CENPO: variants seen among roughly 807,000 people sequenced by gnomAD.
CENPO encodes centromere protein O.
A neutral mutation model predicts 36.1 loss-of-function variants in CENPO; 30 were observed. That is an observed-to-expected ratio of 0.83 (90% CI 0.62 to 1.13). The LOEUF is 1.13. CENPO is among the 50% of genes most tolerant of loss of function. The pLI is 0.00. For missense variants in CENPO, 349 were observed against 357.8 expected (o/e 0.98, Z 0.20); for synonymous variants, 171 against 142.3 (o/e 1.20, Z -1.44).
intron 7 of CENPO, among the ~76,000 whole-genome samples, chr2:24,818,808 T>C (rs765156186): frequency 5.3e-5 from 8 of 152,222 alleles, no homozygotes; most frequent in Non-Finnish European, 1.0e-4. Context: ...CTCACAGATA[T>C]GAAAACCTGT....
intron 5 of CENPO, 89 bp downstream of exon 5, chr2:24,815,845 CTG>C: frequency 1.6e-6 from 2 of 1,268,264 alleles, no homozygotes; most frequent in South Asian, 1.4e-5. Context: ...TGTTTCCTAA[CTG>C]TGAGTTAGAA....
At position 24,815,531 on chromosome 2, in the gene CENPO, T is replaced by C; in HGVS notation, c.369T>C (p.Cys123=). Residue 123 remains cysteine (C), a synonymous_variant, in exon 5 of 8, where the codon TGT becomes TGC. Coordinates refer to ENST00000380834, the MANE Select transcript of CENPO (RefSeq NM_001322101.2). ...GTAAACTGACCAGCCGAGGAGTTTG[T>C]GTCTGCATCAGTACTGCTTTTGAGG... ...LSGKLTSRGV[C]VCISTAFEGN... 6.2e-7 allele frequency: 1 copy of C among 1,614,096 alleles called. No individual in the cohort carries two copies. The highest frequency in any genetic ancestry group is 1.1e-5 in the South Asian group (1 of 91,084).
chr2:24,806,016 G>C (rs918025935), intron 3 of CENPO, among the ~76,000 whole-genome samples: 11 of 152,152 alleles, frequency 7.2e-5, no homozygotes, highest in African/African-American at 2.7e-4. Context: ...TCCAAGCCTC[G>C]GCAAGGGCGG....
rs752977885 is a variant in CENPO, at chr2:24,817,841, G to A, written c.*35G>A. The A allele has an allele frequency of 3.1e-6, 5 of 1,613,338 alleles. No homozygotes were observed. In the African/African-American group the frequency reaches 6.7e-5, roughly 22 times the overall value. Reference sequence around the variant, plus strand: ...TTCACTGCACTGGGAGCACATCAGAGGTAAGTAACCAGTACTGAAGACAGT... The same window carrying A: ...TTCACTGCACTGGGAGCACATCAGAAGTAAGTAACCAGTACTGAAGACAGT... On this transcript the variant is annotated splice_region_variant and 3_prime_UTR_variant, in exon 7 of 8. Coordinates refer to ENST00000380834, the MANE Select transcript of CENPO (RefSeq NM_001322101.2).
intron 3 of CENPO, among the ~76,000 whole-genome samples, chr2:24,802,947 C>T (rs566551853): frequency 3.9e-5 from 6 of 152,280 alleles, no homozygotes; most frequent in Admixed American, 3.3e-4. Flanking sequence ...GGCTGTGAAT[C>T]TATCTGGTCT....
At position 24,815,613 on chromosome 2, in the gene CENPO, C is replaced by A; in HGVS notation, c.451C>A (p.His151Asn). The A allele has an allele frequency of 6.2e-7, 1 of 1,614,160 alleles. No homozygotes were observed. Among genetic ancestry groups the A allele is most frequent in the African/African-American group, 1.3e-5 (1 of 75,048 alleles). Reference protein sequence around the residue: ...DLVIQKPLRIHHHSVPVFIPL... With the variant: ...DLVIQKPLRINHHSVPVFIPL... The stretch of plus-strand genomic sequence containing the variant: ...TGTCATACAGAAACCACTCCGGATA[C>A]ATCACCATTCAGTCCCAGTCTTCAT... Residue 151 changes from histidine (H) to asparagine (N), a missense_variant, in exon 5 of 8, where the codon CAT becomes AAT. His to Asn is a moderately conservative substitution (Grantham distance 68, BLOSUM62 1). Coordinates refer to ENST00000380834, the MANE Select transcript of CENPO (RefSeq NM_001322101.2).
At position 24,793,933 on chromosome 2, in the gene CENPO, A is replaced by G; in HGVS notation, c.14A>G (p.Asn5Ser). 1 of 1,614,064 alleles carries G rather than the reference A, an allele frequency of 6.2e-7. No individual in the cohort carries two copies. Among genetic ancestry groups the G allele is most frequent in the Non-Finnish European group, 8.5e-7 (1 of 1,179,990 alleles). The change falls in exon 2 of 8, where the codon AAC becomes AGC. Residue 5 changes from asparagine to serine, a missense_variant. Coordinates refer to ENST00000380834, the MANE Select transcript of CENPO (RefSeq NM_001322101.2). ...TGGGAATCTGAGATGGAGCAGGCGA[A>G]CCCTTTACGTCCAGATGGCGAGTCC... MEQA[N>S]PLRPDGESKG...
intron 3 of CENPO, among the ~76,000 whole-genome samples, chr2:24,807,179 T>C (rs1050348062): frequency 1.3e-5 from 2 of 152,118 alleles, no homozygotes; most frequent in African/African-American, 4.8e-5. Flanking sequence ...TTCTTTTTTT[T>C]TAATTAAAGT....
chr2:24,822,216 T>C lies in CENPO; in HGVS notation c.*2898T>C, dbSNP rs1036629524. 6 of 260,324 alleles carry C rather than the reference T, an allele frequency of 2.3e-5. No individual in the cohort carries two copies. Among genetic ancestry groups the C allele is most frequent in the Non-Finnish European group, 4.4e-5 (6 of 136,940 alleles). The allele number at this position is 260,324 out of a possible 1,614,324, so 16.1% of individuals were successfully genotyped here. A position where few individuals can be genotyped will look rare whatever the true frequency, so the allele number is the denominator to read the frequency against. On this transcript the variant is annotated 3_prime_UTR_variant, in exon 8 of 8. Coordinates refer to ENST00000380834, the MANE Select transcript of CENPO (RefSeq NM_001322101.2). ...AGGCCATGCTTTCAGTTTCCCTTGT[T>C]GACAATTGCTCTCCAGTTCCTATGA... is the stretch of plus-strand genomic sequence containing the variant.
intron 2 of CENPO, among the ~76,000 whole-genome samples, chr2:24,796,064 C>T (rs1407574922): frequency 1.3e-5 from 2 of 152,052 alleles, no homozygotes; most frequent in Non-Finnish European, 2.9e-5. Flanking sequence ...GTAAACATTT[C>T]CGGAGTGTTG....
chr2:24,811,980 T>C (rs1666714310), intron 3 of CENPO, among the ~76,000 whole-genome samples: 1 of 152,242 alleles, frequency 6.6e-6, no homozygotes, highest in Admixed American at 6.5e-5. Context: ...TCACGTATAG[T>C]CAACATTCCT....
At position 24,820,483 on chromosome 2, in the gene CENPO, A is replaced by G; in HGVS notation, c.*1165A>G. ...CAGATCACAAGGTATTAGAAGGTTC[A>G]TACCCAAAGGTAGGCCATATGCATC... On this transcript the variant is annotated 3_prime_UTR_variant, in exon 8 of 8. Coordinates refer to ENST00000380834, the MANE Select transcript of CENPO (RefSeq NM_001322101.2). 2 of 1,395,880 alleles carry G rather than the reference A, an allele frequency of 1.4e-6. No homozygotes were observed. The highest frequency in any genetic ancestry group is 1.6e-5 in the South Asian group (1 of 61,982). 86.5% of individuals were successfully genotyped at this position (1,395,880 alleles called of 1,614,324 possible).
At chr2:24,812,494 T>A (rs1666743049) in intron 3 of CENPO, among the ~76,000 whole-genome samples, 1 of 152,238 alleles carries the variant, frequency 6.6e-6, no homozygotes, top group Non-Finnish European at 1.5e-5. Context: ...AAATAGTGCA[T>A]CTTCTCAGTT....
chr2:24,793,986 T>A, intron 2 of CENPO, 21 bp downstream of exon 2: 1 of 1,568,346 alleles, frequency 6.4e-7, no homozygotes, highest in Non-Finnish European at 8.8e-7. Flanking sequence ...GGTCGCCGCC[T>A]CCTTCCTGCT....
intron 7 of CENPO, among the ~76,000 whole-genome samples, chr2:24,818,938 G>GA (rs2148302849): frequency 6.6e-6 from 1 of 152,350 alleles, no homozygotes; most frequent in East Asian, 1.9e-4. Flanking sequence ...CCTCCGTGTG[G>GA]GAGAGCTCCA....
chr2:24,817,695 G>A lies in CENPO; in HGVS notation c.792G>A (p.Trp264Ter), dbSNP rs767322670. Residue 264 changes from tryptophan (W) to a stop codon, truncating the protein, a stop_gained, in exon 7 of 8, where the codon TGG becomes TGA. Coordinates refer to ENST00000380834, the MANE Select transcript of CENPO (RefSeq NM_001322101.2). LOFTEE classifies it high-confidence loss of function. ...GAGTGGAAGTATTATCCACTTCATG[G>A]GAGGAGCAACGAGCATCTCATGAAA... ...CQGVEVLSTS[W>*]EEQRASHETL... 1 of 1,614,166 alleles carries A rather than the reference G, an allele frequency of 6.2e-7. No homozygotes were observed. The highest frequency in any genetic ancestry group is 1.1e-5 in the South Asian group (1 of 91,076).
Position 24,820,873 on chromosome 2 carries a change from C to T in CENPO, c.*1555C>T. On this transcript the variant is annotated 3_prime_UTR_variant, in exon 8 of 8. Coordinates refer to ENST00000380834, the MANE Select transcript of CENPO (RefSeq NM_001322101.2). ...CCTAGGGTAGAGGCATAAAGTTCAG[C>T]ACAGCCACAGGCCACACCTTGTTAT... The T allele has an allele frequency of 6.2e-7, 1 of 1,611,928 alleles. No homozygotes were observed. The highest frequency in any genetic ancestry group is 8.5e-7 in the Non-Finnish European group (1 of 1,178,694).
At position 24,814,422 on chromosome 2, in the gene CENPO, T is replaced by G. The variant is rs139857986; in HGVS notation, c.263T>G (p.Ile88Ser). 6.2e-7 allele frequency: 1 copy of G among 1,606,828 alleles called. No individual in the cohort carries two copies. Among genetic ancestry groups the G allele is most frequent in the African/African-American group, 1.3e-5 (1 of 74,862 alleles). Residue 88 changes from isoleucine to serine, a missense_variant, in exon 4 of 8, where the codon ATC becomes AGC. Ile to Ser is a moderately radical substitution (Grantham distance 142). Transcript: ENST00000380834. ...ANVEPNQTVEINEQEALEEKL... is the reference protein window; with the variant it reads ...ANVEPNQTVESNEQEALEEKL... ...GTAGAACCCAACCAAACAGTGGAGA[T>G]CAATGAGCAAGAAGCATTGGAAGAG...
Position 24,821,742 on chromosome 2 carries a change from T to C in CENPO, c.*2424T>C. 6.7e-7 allele frequency: 1 copy of C among 1,497,082 alleles called. No individual in the cohort carries two copies. The highest frequency in any genetic ancestry group is 9.0e-7 in the Non-Finnish European group (1 of 1,113,730). The allele number at this position is 1,497,082 out of a possible 1,614,324, so 92.7% of individuals were successfully genotyped here. A position where few individuals can be genotyped will look rare whatever the true frequency, so the allele number is the denominator to read the frequency against. On this transcript the variant is annotated 3_prime_UTR_variant, in exon 8 of 8. Transcript: ENST00000380834. ...GTTCTGGGGGTGGATTCCCTACACC[T>C]AGATGTTCAAGGCCTTACTTTTCCT...
Sources: gnomAD v4.1 joint callset for allele counts (sites outside exome capture counted in the v4.1 genomes callset) on GRCh38, gnomAD v4.1.1 for gene constraint, MANE v1.5 for transcripts, NCBI Gene and HGNC (gene_info 2026-07-23, HGNC 2026-07-21) for gene names.